MFHAS1: variants seen among roughly 807,000 people sequenced by gnomAD.
The protein encoded by MFHAS1 is multifunctional ROCO family signaling regulator 1, also known as malignant fibrous histiocytoma-amplified sequence 1.
A neutral mutation model predicts 70.4 loss-of-function variants in MFHAS1; 50 were observed. The ratio of observed to expected loss-of-function variants is 0.71; its 90% CI spans 0.57 to 0.90. MFHAS1 has a LOEUF of 0.90. Among genes scored for constraint, MFHAS1 ranks in the 40% least tolerant of loss-of-function variants. The pLI is 0.00. For missense variants in MFHAS1, 1,795 were observed against 1,347.6 expected, an observed-to-expected ratio of 1.33 and a Z score of -5.20; for synonymous variants, 952 against 620.0, an observed-to-expected ratio of 1.54 and a Z score of -7.96.
At chr8:8,859,070 C>T (rs192785243) in intron 1 of MFHAS1, among the ~76,000 whole-genome samples, 8 of 152,334 alleles carry the variant, frequency 5.3e-5, no homozygotes, top group Admixed American at 2.6e-4. Context: ...AAGCTCACCA[C>T]GGCTGGTAGT....
At chr8:8,878,599 G>A (rs774594864) in intron 1 of MFHAS1, among the ~76,000 whole-genome samples, 1 of 151,764 alleles carries the variant, frequency 6.6e-6, no homozygotes, top group Non-Finnish European at 1.5e-5. Flanking sequence ...ACGGCACCCA[G>A]GCGAAATATT....
At chr8:8,864,222 G>A (rs1808775373) in intron 1 of MFHAS1, among the ~76,000 whole-genome samples, 1 of 152,184 alleles carries the variant, frequency 6.6e-6, no homozygotes, top group African/African-American at 2.4e-5. Flanking sequence ...AATCTCTGGT[G>A]TTCTGGTAAC....
intron 1 of MFHAS1, among the ~76,000 whole-genome samples, chr8:8,874,293 A>G (rs545055421): frequency 6.6e-6 from 1 of 151,982 alleles, no homozygotes; most frequent in Admixed American, 6.6e-5. Context: ...CCATTGGTAG[A>G]CTACTATGCT....
intron 1 of MFHAS1, among the ~76,000 whole-genome samples, chr8:8,811,075 C>T (rs1272374843): frequency 6.6e-6 from 1 of 152,014 alleles, no homozygotes; most frequent in African/African-American, 2.4e-5. Flanking sequence ...AAACATCTCC[C>T]ACAGCACTAC....
chr8:8,891,414 C>A lies in MFHAS1; in HGVS notation c.1645G>T (p.Glu549Ter), dbSNP rs1298102363. The A allele has an allele frequency of 6.2e-7, 1 of 1,612,704 alleles. No individual in the cohort carries two copies. The highest frequency in any genetic ancestry group is 8.5e-7 in the Non-Finnish European group (1 of 1,180,026). The change falls in exon 1 of 3, where the codon GAG becomes TAG. Residue 549 changes from glutamate to a stop codon, truncating the protein, a stop_gained. Coordinates refer to ENST00000276282, the MANE Select transcript of MFHAS1 (RefSeq NM_004225.3). LOFTEE classifies it high-confidence loss of function. The surrounding 1 kb of genome is among the most constrained non-coding windows in gnomAD (Gnocchi z 5.4). ...TGGCGGTGAATGTCCAGACATTTCT[C>A]CTCCAGCTCACGCTCTCCGCACAGG... The part of the protein sequence containing the change: ...ADLCGERELE[E>*]KCLDIHRQIA...
At chr8:8,828,486 C>T (rs1201864499) in intron 1 of MFHAS1, among the ~76,000 whole-genome samples, 1 of 152,152 alleles carries the variant, frequency 6.6e-6, no homozygotes, top group African/African-American at 2.4e-5. Flanking sequence ...GTATCTTAGG[C>T]CGTCTTCACA....
intron 1 of MFHAS1, among the ~76,000 whole-genome samples, chr8:8,838,824 A>G (rs1807700166): frequency 6.6e-6 from 1 of 151,776 alleles, no homozygotes; most frequent in African/African-American, 2.4e-5. Flanking sequence ...AAAAAAAAAA[A>G]AAATCCACGT....
chr8:8,820,831 G>A (rs1044402418), intron 1 of MFHAS1, among the ~76,000 whole-genome samples: 1 of 152,224 alleles, frequency 6.6e-6, no homozygotes, highest in East Asian at 1.9e-4. Flanking sequence ...GGCCAAAGCT[G>A]TGCTGCCATT....
chr8:8,825,581 G>T (rs185255630), intron 1 of MFHAS1, among the ~76,000 whole-genome samples: 217 of 152,288 alleles, frequency 1.4e-3, no homozygotes, highest in Middle Eastern at 3.4e-3. Context: ...GCAGGTGGCT[G>T]CCTTCTCCCG....
chr8:8,783,809 C>G lies in MFHAS1; in HGVS notation c.*2213G>C, dbSNP rs543387459. On this transcript the variant is annotated 3_prime_UTR_variant, in exon 3 of 3. Coordinates refer to ENST00000276282, the MANE Select transcript of MFHAS1 (RefSeq NM_004225.3). ...AAAACGGAATTTCTTGCATAGACAG[C>G]TGAAGAGTCCTGTAGAGCAGAGTGA... 6.6e-5 allele frequency: 10 copies of G among 152,248 alleles called. No individual in the cohort carries two copies. The highest frequency in any genetic ancestry group is 3.3e-4 in the Admixed American group (5 of 15,292). The allele number at this position is 152,248 out of a possible 1,614,324, so 9.4% of individuals were successfully genotyped here. A position where few individuals can be genotyped will look rare whatever the true frequency, so the allele number is the denominator to read the frequency against.
intron 1 of MFHAS1, among the ~76,000 whole-genome samples, chr8:8,817,188 T>G (rs892244619): frequency 6.6e-6 from 1 of 151,768 alleles, no homozygotes; most frequent in Non-Finnish European, 1.5e-5. Context: ...GGATATTACA[T>G]CACTTCTGAT....
intron 1 of MFHAS1, among the ~76,000 whole-genome samples, chr8:8,850,335 A>G (rs1044584756): frequency 2.6e-5 from 4 of 152,138 alleles, no homozygotes; most frequent in African/African-American, 9.7e-5. Flanking sequence ...CTTTTTATTA[A>G]ATGTTTAATA....
chr8:8,883,598 C>G (rs1809615444), intron 1 of MFHAS1, among the ~76,000 whole-genome samples: 1 of 149,172 alleles, frequency 6.7e-6, no homozygotes, highest in Non-Finnish European at 1.5e-5. Flanking sequence ...ATCCCAGCTA[C>G]TCGGGAGGCT....
intron 2 of MFHAS1, among the ~76,000 whole-genome samples, chr8:8,786,283 C>T (rs533807102): frequency 6.6e-6 from 1 of 152,310 alleles, no homozygotes; most frequent in East Asian, 1.9e-4. Context: ...GTGTGTTAAG[C>T]TCAGTTCAGC....
chr8:8,873,684 G>T (rs1481527106), intron 1 of MFHAS1, among the ~76,000 whole-genome samples: 3 of 152,096 alleles, frequency 2.0e-5, no homozygotes, highest in South Asian at 2.1e-4. Context: ...TGTGGAACTC[G>T]AGAGGATGGT....
chr8:8,828,817 G>C (rs941184274), intron 1 of MFHAS1, among the ~76,000 whole-genome samples: 2 of 152,154 alleles, frequency 1.3e-5, no homozygotes, highest in African/African-American at 4.8e-5. Context: ...GAGAACTGAG[G>C]GGACAGGATT....
At chr8:8,812,252 G>C (rs576619522) in intron 1 of MFHAS1, among the ~76,000 whole-genome samples, 1 of 152,302 alleles carries the variant, frequency 6.6e-6, no homozygotes, top group East Asian at 1.9e-4. Context: ...GAGATACGAA[G>C]AATCATTTAG....
intron 1 of MFHAS1, among the ~76,000 whole-genome samples, chr8:8,855,812 C>T (rs561278955): frequency 7.6e-4 from 116 of 152,248 alleles, no homozygotes; most frequent in African/African-American, 2.2e-3. Context: ...GCCGAGATCA[C>T]GCCACTGCAC....
intron 2 of MFHAS1, among the ~76,000 whole-genome samples, chr8:8,796,165 A>C (rs975749183): frequency 6.6e-6 from 1 of 152,180 alleles, no homozygotes; most frequent in African/African-American, 2.4e-5. Flanking sequence ...GTAGTAACCC[A>C]ATGTTCTATC....
Sources: allele counts gnomAD v4.1 joint callset (sites outside exome capture counted in the v4.1 genomes callset), GRCh38; gene constraint gnomAD v4.1.1; non-coding constraint Gnocchi (gnomAD v3.1); transcripts MANE v1.5; gene names NCBI Gene and HGNC (gene_info 2026-07-23, HGNC 2026-07-21).